Variants in COL5A3 observed in about 807,000 individuals in gnomAD.
COL5A3 encodes collagen alpha-3(V) chain.
COL5A3 carries 172 observed loss-of-function variants against 250.0 expected under a neutral mutation model. The observed-to-expected ratio is 0.69, with a 90% CI of 0.61 to 0.78. The LOEUF (loss-of-function observed/expected upper bound fraction) is 0.78, where lower values mean the gene tolerates loss of function less well. Among genes scored for constraint, COL5A3 ranks in the 30% least tolerant of loss-of-function variants. The pLI is 0.00. For synonymous variants in COL5A3, 937 were observed against 900.4 expected (o/e 1.04, Z -0.73); for missense variants, 2,340 against 2,334.4 (o/e 1.00, Z -0.05).
chr19:10,006,322 T>C, intron 1 of COL5A3, 91 bp from the exon 2 acceptor site: 1 of 1,278,024 alleles, frequency 7.8e-7, no homozygotes, highest in Non-Finnish European at 1.0e-6. Context: ...AGGGTTTTTT[T>C]AGGGGGCTCA....
At chr19:9,966,504 C>G (rs1334505323) in intron 63 of COL5A3, 32 bp downstream of exon 63, 2 of 1,554,656 alleles carry the variant, frequency 1.3e-6, no homozygotes, top group African/African-American at 2.7e-5. Context: ...CCCCACTCCG[C>G]CCATCCAAGT....
At position 10,010,451 on chromosome 19, in the gene COL5A3, G is replaced by T; in HGVS notation, c.-66C>A. ...CGGCTGCGGGGCGCGGCGACTTCTC[G>T]GGCTCGGTGCAGTCACTCGCGGCGG... On this transcript the variant is annotated 5_prime_UTR_variant, in exon 1 of 67. Coordinates refer to ENST00000264828, the MANE Select transcript of COL5A3 (RefSeq NM_015719.4). The T allele has an allele frequency of 5.4e-6, 6 of 1,113,538 alleles. No homozygotes were observed. The highest frequency in any genetic ancestry group is 7.1e-6 in the Non-Finnish European group (6 of 844,096). 69.0% of individuals were successfully genotyped at this position (1,113,538 alleles called of 1,614,324 possible).
rs1426370811 is a variant in COL5A3 at position 9,971,024 on chromosome 19, A to T, written c.3833T>A (p.Ile1278Lys). 1.3e-6 allele frequency: 2 copies of T among 1,533,576 alleles called. No homozygotes were observed. The highest frequency in any genetic ancestry group is 1.7e-6 in the Non-Finnish European group (2 of 1,146,906). The allele number at this position is 1,533,576 out of a possible 1,614,324, so 95.0% of individuals were successfully genotyped here. A position where few individuals can be genotyped will look rare whatever the true frequency, so the allele number is the denominator to read the frequency against. Residue 1278 changes from isoleucine (I) to lysine (K), a missense_variant, in exon 53 of 67, where the codon ATA (isoleucine) becomes AAA (lysine). Coordinates refer to ENST00000264828, the MANE Select transcript of COL5A3 (RefSeq NM_015719.4). ...TCCCTTCTCCCCTGGGGAACCATCT[A>T]TGCCCTGCATGGGGGGAAGACAGAG... is the stretch of plus-strand genomic sequence containing the variant. ...GPPGDPGVSG[I>K]DGSPGEKGDP...
intron 45 of COL5A3, among the ~76,000 whole-genome samples, chr19:9,975,839 C>A (rs556649748): frequency 3.4e-5 from 5 of 148,162 alleles, no homozygotes; most frequent in African/African-American, 1.0e-4. Flanking sequence ...GGGATTGAGA[C>A]AAATTCTAGG....
chr19:9,961,390 G>A (rs1016130045), intron 65 of COL5A3, among the ~76,000 whole-genome samples: 35 of 152,046 alleles, frequency 2.3e-4, no homozygotes, highest in African/African-American at 7.7e-4. Context: ...TAAGGGTTGG[G>A]ATCTTGCTCT....
rs761559142 is a variant in COL5A3, at chr19:9,991,673, G to A, written c.1948-19C>T. ...GGAGTCCCTGGAGACAGAAAAAGAAGATGAGAGAAGGCATAAGAAAGAAGC... is the reference window on the plus strand; with the variant it reads ...GGAGTCCCTGGAGACAGAAAAAGAAAATGAGAGAAGGCATAAGAAAGAAGC... On this transcript the variant is annotated intron_variant, in intron 23 of 66. Coordinates refer to ENST00000264828, the MANE Select transcript of COL5A3 (RefSeq NM_015719.4). 6 of 1,612,872 alleles carry A rather than the reference G, an allele frequency of 3.7e-6. No homozygotes were observed. The African/African-American group carries it at 4.0e-5, about 11-fold the overall frequency.
rs1295416599 is a variant in COL5A3 at position 9,993,408 on chromosome 19, G to C, written c.1721C>G (p.Pro574Arg). The C allele has an allele frequency of 6.2e-7, 1 of 1,614,152 alleles. No homozygotes were observed. The highest frequency in any genetic ancestry group is 1.1e-5 in the South Asian group (1 of 91,076). The change falls in exon 19 of 67, where the codon CCC becomes CGC. Residue 574 changes from proline to arginine, a missense_variant. Physicochemically the swap from Pro to Arg is moderately radical, Grantham distance 103. This residue lies in a region of COL5A3 where 1,152 missense variants were observed against 1,146.3 expected (regional missense o/e 1.00). Coordinates refer to ENST00000264828, the MANE Select transcript of COL5A3 (RefSeq NM_015719.4). Reference sequence around the variant, plus strand: ...CTCACCATCCTCTCCTGGGGGACCGGGTTGCCCCACATGGCCAAAGTCACC... The same window carrying C: ...CTCACCATCCTCTCCTGGGGGACCGCGTTGCCCCACATGGCCAAAGTCACC... The part of the protein sequence containing the change: ...QRGDFGHVGQ[P>R]GPPGEDGERG...
chr19:9,985,772 C>G, intron 31 of COL5A3, 70 bp downstream of exon 31: 2 of 1,430,650 alleles, frequency 1.4e-6, no homozygotes, highest in Non-Finnish European at 2.0e-6. Context: ...AGACCACAGC[C>G]TGGACCCCCA....
At chr19:10,002,004 A>G in intron 6 of COL5A3, 123 bp from the exon 7 acceptor site, 1 of 670,484 alleles carries the variant, frequency 1.5e-6, no homozygotes, top group South Asian at 1.9e-5. Context: ...GGCTCCCCAA[A>G]GAGCACCAGA....
chr19:9,971,225 G>A lies in COL5A3; in HGVS notation c.3808C>T (p.Pro1270Ser), dbSNP rs1460102799. ...PTGLPGDLGP[P>S]GDPGVSGIDG... ...CTCACTGAAACTCCAGGGTCTCCTGGGGGCCCTAGATCTCCGGGCAGCCCC... is the reference window on the plus strand; with the variant it reads ...CTCACTGAAACTCCAGGGTCTCCTGAGGGCCCTAGATCTCCGGGCAGCCCC... Residue 1270 changes from proline to serine, a missense_variant, in exon 52 of 67, where the codon CCA (proline) becomes TCA (serine). By Grantham distance (74) the Pro-to-Ser change is moderately conservative. This residue lies in a region of COL5A3 where 1,179 missense variants were observed against 1,162.6 expected (regional missense o/e 1.01). Coordinates refer to ENST00000264828, the MANE Select transcript of COL5A3 (RefSeq NM_015719.4). The A allele has an allele frequency of 1.3e-6, 2 of 1,565,198 alleles. No individual in the cohort carries two copies. The highest frequency in any genetic ancestry group is 1.7e-6 in the Non-Finnish European group (2 of 1,164,272).
intron 64 of COL5A3, among the ~76,000 whole-genome samples, 187 bp from the exon 65 acceptor site, chr19:9,963,074 C>A (rs1599523666): frequency 6.6e-6 from 1 of 152,158 alleles, no homozygotes; most frequent in Admixed American, 6.5e-5. Context: ...CAGCCCTCAC[C>A]CAATGACTAA....
intron 7 of COL5A3, 22 bp from the exon 8 acceptor site, chr19:10,001,692 A>T (rs974976197): frequency 4.3e-6 from 7 of 1,613,520 alleles, no homozygotes; most frequent in Admixed American, 1.7e-5. Flanking sequence ...AGGAAAGACC[A>T]AAGTTTTCCC....
In COL5A3 at chr19:10,001,537, A is replaced by G; in HGVS notation, c.1097T>C (p.Phe366Ser). The G allele has an allele frequency of 6.2e-7, 1 of 1,614,018 alleles. No individual in the cohort carries two copies. Residue 366 changes from phenylalanine to serine, a missense_variant, in exon 8 of 67, where the codon TTC (phenylalanine) becomes TCC (serine). Phe to Ser is a radical substitution (Grantham distance 155). Transcript: ENST00000264828. ...RAAEYPSRTQ[F>S]QIFPGAGEKG... ...CTAGAAACTCACAGGAAAGATCTGG[A>G]ACTGAGTCCGAGATGGATATTCTGC...
chr19:9,985,908 T>G lies in COL5A3; in HGVS notation c.2353-13A>C, dbSNP rs1476331426. ...CCCCAAGCTTGCCCTGCAGAAAGGT[T>G]ATGGGACAAAGGTCAGAAATTGCAA... On this transcript the variant is annotated splice_polypyrimidine_tract_variant and intron_variant, in intron 30 of 66. Transcript: ENST00000264828. 1 of 1,613,706 alleles carries G rather than the reference T, an allele frequency of 6.2e-7. No individual in the cohort carries two copies. Among genetic ancestry groups the G allele is most frequent in the African/African-American group, 1.3e-5 (1 of 74,876 alleles).
At chr19:9,970,885 C>T in intron 53 of COL5A3, 90 bp downstream of exon 53, 1 of 1,257,230 alleles carries the variant, frequency 8.0e-7, no homozygotes, top group Non-Finnish European at 1.1e-6. Context: ...TTGGGTACCC[C>T]ACTAGCCCAC....
intron 16 of COL5A3, 77 bp from the exon 17 acceptor site, chr19:9,993,883 T>C: frequency 1.5e-6 from 2 of 1,306,806 alleles, no homozygotes; most frequent in Non-Finnish European, 2.2e-6. Flanking sequence ...CCCAACTTCA[T>C]CATCAACATC....
chr19:9,972,619 C>T (rs571595447), intron 51 of COL5A3, among the ~76,000 whole-genome samples: 11 of 151,612 alleles, frequency 7.3e-5, no homozygotes, highest in African/African-American at 2.0e-4. Flanking sequence ...ATGCTGATCA[C>T]GAGGTCAGGA....
At chr19:9,999,211 G>A (rs79612764) in intron 8 of COL5A3, among the ~76,000 whole-genome samples, 1 of 120,910 alleles carries the variant, frequency 8.3e-6, no homozygotes, top group Non-Finnish European at 1.7e-5. Context: ...TTTTTTTTTT[G>A]ACACAGGGTC....
At chr19:9,992,080 G>C (rs2145121063) in intron 21 of COL5A3, 32 bp from the exon 22 acceptor site, 1 of 1,607,728 alleles carries the variant, frequency 6.2e-7, no homozygotes, top group Non-Finnish European at 8.5e-7. Flanking sequence ...GACCAAGACA[G>C]AGCAACAAGC....
Sources: allele counts gnomAD v4.1 joint callset (sites outside exome capture counted in the v4.1 genomes callset), GRCh38; gene constraint gnomAD v4.1.1; regional missense constraint gnomAD v4.1.1; transcripts MANE v1.5; gene names NCBI Gene and HGNC (gene_info 2026-07-23, HGNC 2026-07-21).